SGCZ: variants seen among roughly 807,000 people sequenced by gnomAD.
SGCZ encodes the protein zeta-sarcoglycan.
A neutral mutation model predicts 41.3 loss-of-function variants in SGCZ; 40 were observed. The observed-to-expected ratio is 0.97, with a 90% CI of 0.75 to 1.26. The LOEUF is 1.26. SGCZ is among the 50% of genes most tolerant of loss of function. The pLI is 0.00. For synonymous variants in SGCZ, 206 were observed against 137.5 expected, an observed-to-expected ratio of 1.50 and a Z score of -3.49; for missense variants, 552 against 369.8, an observed-to-expected ratio of 1.49 and a Z score of -4.04.
chr8:14,188,193 T>A (rs1804968337), intron 4 of SGCZ, among the ~76,000 whole-genome samples: 1 of 152,184 alleles, frequency 6.6e-6, no homozygotes, highest in South Asian at 2.1e-4. Context: ...GAAAGGAAAT[T>A]CTTCAGGCAG....
intron 2 of SGCZ, among the ~76,000 whole-genome samples, chr8:14,449,929 TAAC>T (rs1800543792): frequency 6.6e-6 from 1 of 152,114 alleles, no homozygotes; most frequent in South Asian, 2.1e-4. Flanking sequence ...GTACAAAACT[TAAC>T]AATATAGACA....
At position 15,094,286 on chromosome 8, in the gene SGCZ, C is replaced by T. The variant is rs188617790; in HGVS notation, c.39+143299G>A. 3.3e-5 allele frequency among the ~76,000 whole-genome samples: 5 copies of T among 152,230 alleles called. No homozygotes were observed. In the East Asian group the frequency reaches 9.7e-4, roughly 30 times the overall value. On this transcript the variant is annotated intron_variant, in intron 1 of 7. Coordinates refer to ENST00000382080, the MANE Select transcript of SGCZ (RefSeq NM_139167.4). ...AGTAACTGAGATTACAGGCGTGCAC[C>T]ACCATGCCTAGCTAATTTTTGTATC...
At chr8:14,366,914 G>C (rs1173220295) in intron 2 of SGCZ, among the ~76,000 whole-genome samples, 1 of 152,128 alleles carries the variant, frequency 6.6e-6, no homozygotes, top group Non-Finnish European at 1.5e-5. Context: ...ATACCCTGGA[G>C]ACATTTTCCC....
intron 1 of SGCZ, among the ~76,000 whole-genome samples, chr8:14,684,219 G>A (rs1210933000): frequency 6.6e-6 from 1 of 151,926 alleles, no homozygotes; most frequent in Non-Finnish European, 1.5e-5. Flanking sequence ...TTTTTACTTG[G>A]CATCTGATGG....
chr8:15,177,922 C>G (rs546777386), intron 1 of SGCZ, among the ~76,000 whole-genome samples: 1 of 152,286 alleles, frequency 6.6e-6, no homozygotes, highest in East Asian at 1.9e-4. Context: ...CCCAGAACAG[C>G]CATTGCCCTG....
chr8:14,443,866 G>A (rs1800348801), intron 2 of SGCZ, among the ~76,000 whole-genome samples: 1 of 152,152 alleles, frequency 6.6e-6, no homozygotes, highest in African/African-American at 2.4e-5. Flanking sequence ...ACATCAGAGT[G>A]AACAGGCAAC....
chr8:14,087,078 C>G lies in SGCZ; in HGVS notation c.*3365G>C, dbSNP rs1342287877. Among the ~76,000 whole-genome samples, 1 of 151,522 alleles carries G rather than the reference C, an allele frequency of 6.6e-6. No individual in the cohort carries two copies. Among genetic ancestry groups the G allele is most frequent in the East Asian group, 1.9e-4 (1 of 5,162 alleles). ...TTTCCGAGATTTGAAGTACTGTAAT[C>G]TAAGATTCCTAAGTTACAGTAAAAT... On this transcript the variant is annotated 3_prime_UTR_variant, in exon 8 of 8. Transcript: ENST00000382080.
At chr8:14,837,504 C>T (rs926386830) in intron 1 of SGCZ, among the ~76,000 whole-genome samples, 5 of 152,076 alleles carry the variant, frequency 3.3e-5, no homozygotes, top group Admixed American at 6.6e-5. Flanking sequence ...TTCCCAACTC[C>T]CGTTGCATCA....
chr8:14,476,512 G>C (rs933922632), intron 2 of SGCZ, among the ~76,000 whole-genome samples: 4 of 151,934 alleles, frequency 2.6e-5, no homozygotes, highest in African/African-American at 9.7e-5. Flanking sequence ...AATTATTAGT[G>C]AGCTAGTAAT....
intron 1 of SGCZ, among the ~76,000 whole-genome samples, chr8:15,110,322 C>T (rs543418941): frequency 1.1e-4 from 17 of 152,260 alleles, no homozygotes; most frequent in Admixed American, 5.9e-4. Context: ...GAGATACATT[C>T]GGCTCTAGAG....
At chr8:14,833,342 C>T (rs774532947) in intron 1 of SGCZ, among the ~76,000 whole-genome samples, 1 of 152,088 alleles carries the variant, frequency 6.6e-6, no homozygotes, top group African/African-American at 2.4e-5. Context: ...ACCATCTAAG[C>T]GCACTGAAAT....
intron 1 of SGCZ, among the ~76,000 whole-genome samples, chr8:14,693,651 C>A (rs574206521): frequency 7.8e-6 from 1 of 128,114 alleles, no homozygotes; most frequent in Admixed American, 9.8e-5. Flanking sequence ...AGTGCAGTGG[C>A]GCGATCTCAG....
chr8:15,024,620 G>A (rs899377693), intron 1 of SGCZ, among the ~76,000 whole-genome samples: 3 of 152,112 alleles, frequency 2.0e-5, no homozygotes, highest in Admixed American at 6.5e-5. Flanking sequence ...GGTTACCCTC[G>A]TTAGCAGAAG....
chr8:14,728,261 T>C (rs1392706604), intron 1 of SGCZ, among the ~76,000 whole-genome samples: 1 of 151,322 alleles, frequency 6.6e-6, no homozygotes, highest in Non-Finnish European at 1.5e-5. Context: ...ACTTAATTGT[T>C]GAAAAAGCAG....
rs150829702 is a variant in SGCZ, at chr8:14,085,943, C to T, written c.*4500G>A. Among the ~76,000 whole-genome samples, 347 of 151,680 alleles carry T rather than the reference C, an allele frequency of 2.3e-3. 3 individuals carry two copies. Among genetic ancestry groups the T allele is most frequent in the African/African-American group, 8.0e-3 (331 of 41,450 alleles). On this transcript the variant is annotated 3_prime_UTR_variant, in exon 8 of 8. Coordinates refer to ENST00000382080, the MANE Select transcript of SGCZ (RefSeq NM_139167.4). ...TCTTTGGTCTTTGACATTTAAACAA[C>T]TAATAAATTTCAGTATAAAACAACA...
chr8:14,393,406 A>G (rs1015380805), intron 2 of SGCZ, among the ~76,000 whole-genome samples: 1 of 152,128 alleles, frequency 6.6e-6, no homozygotes, highest in African/African-American at 2.4e-5. Flanking sequence ...TGTCAACCAC[A>G]TGTACTATAA....
chr8:15,222,365 T>C (rs1257142529), intron 1 of SGCZ, among the ~76,000 whole-genome samples: 1 of 152,068 alleles, frequency 6.6e-6, no homozygotes, highest in Non-Finnish European at 1.5e-5. Context: ...AACATAGTTT[T>C]CAAGAGTCCA....
chr8:14,567,814 C>G (rs926690740), intron 1 of SGCZ, among the ~76,000 whole-genome samples: 1 of 152,070 alleles, frequency 6.6e-6, no homozygotes, highest in Non-Finnish European at 1.5e-5. Context: ...GACGCACCAC[C>G]TTAAGAGCTG....
chr8:14,855,212 C>T (rs868638339), intron 1 of SGCZ, among the ~76,000 whole-genome samples: 23 of 151,868 alleles, frequency 1.5e-4, no homozygotes, highest in Admixed American at 1.3e-4. Flanking sequence ...AACATGTCCA[C>T]CTAACTTTCG....
Sources: allele counts gnomAD v4.1 joint callset (sites outside exome capture counted in the v4.1 genomes callset), GRCh38; gene constraint gnomAD v4.1.1; transcripts MANE v1.5; gene names NCBI Gene and HGNC (gene_info 2026-07-23, HGNC 2026-07-21).